Variants in ELP4 observed in about 807,000 individuals in gnomAD.
The protein encoded by ELP4 is elongator acetyltransferase complex subunit 4.
A neutral mutation model predicts 48.9 loss-of-function variants in ELP4; 51 were observed. That is an observed-to-expected ratio of 1.04 (90% CI 0.83 to 1.32). ELP4 has a LOEUF of 1.32. Ranked by LOEUF, ELP4 falls within the 40% of genes most tolerant of loss-of-function variation. ELP4 has a pLI of 0.00. For missense variants in ELP4, 519 were observed against 514.6 expected, an observed-to-expected ratio of 1.01 and a Z score of -0.08; for synonymous variants, 210 against 189.2, an observed-to-expected ratio of 1.11 and a Z score of -0.90.
At chr11:31,694,121 A>G (rs1946346462) in intron 9 of ELP4, among the ~76,000 whole-genome samples, 1 of 151,808 alleles carries the variant, frequency 6.6e-6, no homozygotes, top group African/African-American at 2.4e-5. Context: ...TTGCCTGTTC[A>G]CTCTGATGGT....
chr11:31,741,066 T>G (rs1947434823), intron 9 of ELP4, among the ~76,000 whole-genome samples: 1 of 151,570 alleles, frequency 6.6e-6, no homozygotes, highest in African/African-American at 2.4e-5. Flanking sequence ...CCAATGGGCT[T>G]AAAAAGTGGC....
intron 9 of ELP4, among the ~76,000 whole-genome samples, chr11:31,705,729 T>C (rs1341649557): frequency 6.6e-6 from 1 of 152,250 alleles, no homozygotes. Flanking sequence ...TTAATTTCTC[T>C]AGAGACAAGA....
At chr11:31,512,528 A>G (rs1397715966) in intron 1 of ELP4, 2 of 152,218 alleles carry the variant, frequency 1.3e-5, no homozygotes. Context: ...TAATTGTATT[A>G]TGAGATATTG....
intron 9 of ELP4, among the ~76,000 whole-genome samples, chr11:31,782,314 GT>G (rs1030316452): frequency 3.9e-5 from 6 of 151,962 alleles, no homozygotes; most frequent in Admixed American, 1.3e-4. Flanking sequence ...TTTTTCATCT[GT>G]TTTTCCCCCC....
At chr11:31,563,298 G>A (rs1180442531) in intron 3 of ELP4, among the ~76,000 whole-genome samples, 9 of 152,080 alleles carry the variant, frequency 5.9e-5, no homozygotes, top group African/African-American at 9.7e-5. Context: ...AGGGTGTGAG[G>A]TTAAGCTTCA....
intron 9 of ELP4, among the ~76,000 whole-genome samples, chr11:31,753,642 T>G (rs1947773556): frequency 6.6e-6 from 1 of 152,152 alleles, no homozygotes; most frequent in African/African-American, 2.4e-5. Flanking sequence ...GGATATACAC[T>G]CTAGAACAAC....
intron 3 of ELP4, among the ~76,000 whole-genome samples, chr11:31,575,859 A>G (rs978847180): frequency 2.6e-5 from 4 of 152,222 alleles, no homozygotes; most frequent in African/African-American, 9.6e-5. Context: ...AAGACCACCA[A>G]TGCTAGGAAG....
chr11:31,594,326 G>A (rs1158262327), intron 3 of ELP4, among the ~76,000 whole-genome samples: 4 of 152,038 alleles, frequency 2.6e-5, no homozygotes, highest in East Asian at 1.9e-4. Context: ...TACTTCACTC[G>A]TTATTTTAGT....
intron 9 of ELP4, among the ~76,000 whole-genome samples, chr11:31,680,698 T>C (rs1466542976): frequency 6.6e-6 from 1 of 152,212 alleles, no homozygotes; most frequent in African/African-American, 2.4e-5. Flanking sequence ...TTGTATGCAA[T>C]AGAGAAGGTT....
chr11:31,530,680 A>G (rs558834763), intron 2 of ELP4, among the ~76,000 whole-genome samples: 1 of 152,306 alleles, frequency 6.6e-6, no homozygotes, highest in East Asian at 1.9e-4. Context: ...GCCATAATGT[A>G]CAAATGAAAT....
At chr11:31,534,494 A>G (rs1166158122) in intron 2 of ELP4, among the ~76,000 whole-genome samples, 2 of 152,172 alleles carry the variant, frequency 1.3e-5, no homozygotes, top group Non-Finnish European at 2.9e-5. Context: ...GTAAGGGGGT[A>G]TAGCTATGTA....
At chr11:31,551,403 T>C (rs933000922) in intron 3 of ELP4, among the ~76,000 whole-genome samples, 23 of 152,302 alleles carry the variant, frequency 1.5e-4, no homozygotes, top group Non-Finnish European at 1.2e-4. Context: ...TCAATGATTT[T>C]ATCATTCTTC....
intron 9 of ELP4, among the ~76,000 whole-genome samples, chr11:31,679,934 G>A (rs1387962661): frequency 6.6e-6 from 1 of 152,094 alleles, no homozygotes; most frequent in Non-Finnish European, 1.5e-5. Context: ...CTGGAGTTGT[G>A]TACTCTCTAA....
At chr11:31,604,015 A>C in intron 5 of ELP4, 108 bp downstream of exon 5, 1 of 765,834 alleles carries the variant, frequency 1.3e-6, no homozygotes, top group African/African-American at 1.8e-5. Flanking sequence ...TATCATAATA[A>C]TAAATATTAG....
At chr11:31,771,540 T>C (rs1168075012) in intron 9 of ELP4, among the ~76,000 whole-genome samples, 2 of 152,178 alleles carry the variant, frequency 1.3e-5, no homozygotes, top group Admixed American at 6.5e-5. Flanking sequence ...TCATAGCCAC[T>C]CCCCTGCTCA....
intron 2 of ELP4, among the ~76,000 whole-genome samples, chr11:31,538,798 G>C (rs146047256): frequency 1.3e-5 from 2 of 152,104 alleles, no homozygotes; most frequent in Non-Finnish European, 2.9e-5. Context: ...GTTGTATCTT[G>C]TTCTATTTTG....
In ELP4 at chr11:31,593,786, T is replaced by C. The variant is rs566379265; in HGVS notation, c.382-984T>C. Among the ~76,000 whole-genome samples, 8 of 152,326 alleles carry C rather than the reference T, an allele frequency of 5.3e-5. No homozygotes were observed. The East Asian group carries it at 1.5e-3, about 29-fold the overall frequency. ...CTAATGCTTAGCTAGGAATGATGGA[T>C]TCACAGCTTAAATGATATAACTAGT... On this transcript the variant is annotated intron_variant, in intron 3 of 9. Coordinates refer to ENST00000640961, the MANE Select transcript of ELP4 (RefSeq NM_019040.5).
rs371685841 is a variant in ELP4, at chr11:31,783,411, G to T, written c.1162G>T (p.Asp388Tyr). Reference sequence around the variant, plus strand: ...GCCATAGCGACTGCATTTGCCTCCAGACTTGTCAGACACAGTGAGCCGCTC... The same window carrying T: ...GCCATAGCGACTGCATTTGCCTCCATACTTGTCAGACACAGTGAGCCGCTC... ...FTIERLHLPP[D>Y]LSDTVSRSSK... The change falls in exon 10 of 10, where the codon GAC (aspartate) becomes TAC (tyrosine). Residue 388 changes from aspartate (D) to tyrosine (Y), a missense_variant. Asp to Tyr is a radical substitution (Grantham distance 160). Transcript: ENST00000640961. 2 of 1,613,304 alleles carry T rather than the reference G, an allele frequency of 1.2e-6. No individual in the cohort carries two copies. Among genetic ancestry groups the T allele is most frequent in the Non-Finnish European group, 1.7e-6 (2 of 1,179,574 alleles).
rs377599448 is a variant in ELP4 at position 31,575,395 on chromosome 11, A to G, written c.382-19375A>G. Among the ~76,000 whole-genome samples, 18 of 152,110 alleles carry G rather than the reference A, an allele frequency of 1.2e-4. No homozygotes were observed. The East Asian group carries it at 2.3e-3, about 20-fold the overall frequency. On this transcript the variant is annotated intron_variant, in intron 3 of 9. Coordinates refer to ENST00000640961, the MANE Select transcript of ELP4 (RefSeq NM_019040.5). ...GATATTATCCAGGAGAACTTCCCCA[A>G]TCTAGCAAGGCAGGCCAACATTCAA...
Sources: allele counts gnomAD v4.1 joint callset (sites outside exome capture counted in the v4.1 genomes callset), GRCh38; gene constraint gnomAD v4.1.1; transcripts MANE v1.5; gene names NCBI Gene and HGNC (gene_info 2026-07-23, HGNC 2026-07-21).